ARHGAP27: variants seen among roughly 807,000 people sequenced by gnomAD.
ARHGAP27 encodes the protein rho GTPase-activating protein 27.
Under a neutral mutation model 102.0 loss-of-function variants are expected in ARHGAP27, and 53 were observed. The ratio of observed to expected loss-of-function variants is 0.52; its 90% CI spans 0.42 to 0.65. The LOEUF is 0.65. Among genes scored for constraint, ARHGAP27 ranks in the 30% least tolerant of loss-of-function variants. The pLI, the probability that ARHGAP27 is intolerant of heterozygous loss-of-function variation, is 0.00. For missense variants in ARHGAP27, 1,117 were observed against 1,256.2 expected (o/e 0.89, Z 1.68); for synonymous variants, 525 against 542.8 (o/e 0.97, Z 0.46).
intron 4 of ARHGAP27, 179 bp downstream of exon 4, chr17:45,429,444 T>G: frequency 7.0e-7 from 1 of 1,434,732 alleles, no homozygotes; most frequent in Non-Finnish European, 9.1e-7. Flanking sequence ...GATGAGGGAC[T>G]GCGGGCGTGC....
At chr17:45,423,677 AG>A (rs879488587) in intron 4 of ARHGAP27, among the ~76,000 whole-genome samples, 8 of 152,216 alleles carry the variant, frequency 5.3e-5, no homozygotes, top group South Asian at 2.1e-4. Context: ...CTGGACAGTA[AG>A]CTACCTGAGG....
rs765551065 is a variant in ARHGAP27 at position 45,427,813 on chromosome 17, C to T, written c.657+1810G>A. ...TGGGTAAGTCCCCTACCCCTATCAT[C>T]GGTGCCCCTCCCTCCATATGCCACT... On this transcript the variant is annotated intron_variant, in intron 4 of 19. Coordinates refer to ENST00000685559, the MANE Select transcript of ARHGAP27 (RefSeq NM_001282290.2). This position sits in a 1 kb window ranked among gnomAD's most constrained non-coding sequence, Gnocchi z 4.5. Among the ~76,000 whole-genome samples the T allele has an allele frequency of 6.6e-6, 1 of 152,192 alleles. No homozygotes were observed. The highest frequency in any genetic ancestry group is 1.5e-5 in the Non-Finnish European group (1 of 68,034).
chr17:45,395,564 C>G lies in ARHGAP27; in HGVS notation c.2562G>C (p.Leu854=). 1 of 1,604,868 alleles carries G rather than the reference C, an allele frequency of 6.2e-7. No homozygotes were observed. The highest frequency in any genetic ancestry group is 8.5e-7 in the Non-Finnish European group (1 of 1,175,964). ...TGGTCTCTTCCACCTCGGGCCGCAG[C>G]AGCGTGGGCCCGAACACAATGGCCA... ...QSVAIVFGPT[L]LRPEVEETSM... is the part of the protein sequence containing the mutation. The change falls in exon 20 of 20, where the codon CTG becomes CTC. Residue 854 remains leucine, a synonymous_variant. Transcript: ENST00000685559.
At chr17:45,403,928 T>G in intron 10 of ARHGAP27, 101 bp downstream of exon 10, 1 of 1,330,868 alleles carries the variant, frequency 7.5e-7, no homozygotes, top group Non-Finnish European at 1.1e-6. Flanking sequence ...ACTCACGAAG[T>G]TGTTGTGAGG....
chr17:45,429,362 C>A, intron 4 of ARHGAP27: 2 of 1,281,326 alleles, frequency 1.6e-6, no homozygotes, highest in East Asian at 3.1e-5. Context: ...TCAGTTCAAG[C>A]GCAATTTTGC....
chr17:45,405,048 T>C lies in ARHGAP27; in HGVS notation c.1124A>G (p.Tyr375Cys), dbSNP rs200245615. The change falls in exon 6 of 20, where the codon TAT (tyrosine) becomes TGT (cysteine). Residue 375 changes from tyrosine (Y) to cysteine (C), a missense_variant. Tyr to Cys is a radical substitution (Grantham distance 194). This residue lies in a region of ARHGAP27 where 610 missense variants were observed against 716.4 expected (regional missense o/e 0.85). Coordinates refer to ENST00000685559, the MANE Select transcript of ARHGAP27 (RefSeq NM_001282290.2). The part of the protein sequence containing the change: ...ESLTSYPEED[Y>C]SPVGSFGEPG... ...CTCACCGAAAGAGCCCACGGGAGAA[T>C]AGTCCTCCTCGGGGTAACTGGTCAG... 2.5e-6 allele frequency: 4 copies of C among 1,612,554 alleles called. No individual in the cohort carries two copies. The highest frequency in any genetic ancestry group is 2.7e-5 in the African/African-American group (2 of 74,930).
In ARHGAP27 at chr17:45,430,724, T is replaced by A. The variant is rs759422887; in HGVS notation, c.-18-427A>T. 2.8e-4 allele frequency among the ~76,000 whole-genome samples: 42 copies of A among 152,052 alleles called. No homozygotes were observed. The highest frequency in any genetic ancestry group is 4.7e-4 in the Non-Finnish European group (32 of 67,988). Reference sequence around the variant, plus strand: ...GGAAGAACACCCCATTTACTGCCGCTCCCCGGCTCTGTCCCGCCTGGAAGC... The same window carrying A: ...GGAAGAACACCCCATTTACTGCCGCACCCCGGCTCTGTCCCGCCTGGAAGC... On this transcript the variant is annotated intron_variant, in intron 3 of 19. Coordinates refer to ENST00000685559, the MANE Select transcript of ARHGAP27 (RefSeq NM_001282290.2). This position sits in a 1 kb window ranked among gnomAD's most constrained non-coding sequence, Gnocchi z 4.4.
chr17:45,396,859 C>A, intron 14 of ARHGAP27, 57 bp downstream of exon 14: 1 of 1,606,744 alleles, frequency 6.2e-7, no homozygotes, highest in Non-Finnish European at 8.5e-7. Flanking sequence ...CCCCAGCAAC[C>A]GTCACTCCCC....
rs546359298 is a variant in ARHGAP27 at position 45,395,427 on chromosome 17, C to T, written c.*29G>A. 2.5e-5 allele frequency: 38 copies of T among 1,536,356 alleles called. No homozygotes were observed. Among genetic ancestry groups the T allele is most frequent in the East Asian group, 2.2e-4 (9 of 40,844 alleles). ...CCGCCCAGCTTGTGTGGCAGGACCG[C>T]GGCCGCCGCCCCAGTCACAGGCCAG... On this transcript the variant is annotated 3_prime_UTR_variant, in exon 20 of 20. Coordinates refer to ENST00000685559, the MANE Select transcript of ARHGAP27 (RefSeq NM_001282290.2).
Position 45,395,295 on chromosome 17 carries a change from A to AG in ARHGAP27, c.*160dup. On this transcript the variant is annotated 3_prime_UTR_variant, in exon 20 of 20. Transcript: ENST00000685559. ...AATCACATTTTGCAAACTGCCCACT[A>AG]GGGGTCACCGTACCCTCAGAACCGA... 1.1e-6 allele frequency: 1 copy of AG among 878,080 alleles called. No homozygotes were observed. The allele number at this position is 878,080 out of a possible 1,614,324, so 54.4% of individuals were successfully genotyped here.
rs372424096 is a variant in ARHGAP27, at chr17:45,402,701, C to T, written c.1743+13G>A. On this transcript the variant is annotated intron_variant, in intron 12 of 19. Transcript: ENST00000685559. ...AAGCCCCTTCCCTCCTTCTCCCCAA[C>T]CCCGCCACTCACCTCCAGCACATTC... 1.7e-4 allele frequency: 272 copies of T among 1,600,692 alleles called. No individual in the cohort carries two copies. Among genetic ancestry groups the T allele is most frequent in the East Asian group, 2.0e-4 (9 of 44,708 alleles).
rs555218913 is a variant in ARHGAP27 at position 45,418,191 on chromosome 17, C to T, written c.657+11432G>A. Among the ~76,000 whole-genome samples the T allele has an allele frequency of 1.1e-4, 16 of 150,656 alleles. No individual in the cohort carries two copies. The South Asian group carries it at 1.9e-3, about 18-fold the overall frequency. On this transcript the variant is annotated intron_variant, in intron 4 of 19. Coordinates refer to ENST00000685559, the MANE Select transcript of ARHGAP27 (RefSeq NM_001282290.2). ...AACTCCTGAGTTCAAGCAGTCCTCC[C>T]GCTTCGGCCTCCCAAAGTGCTAAGA... is the stretch of plus-strand genomic sequence containing the variant.
In ARHGAP27 at chr17:45,430,234, G is replaced by C. The variant is rs1259421262; in HGVS notation, c.46C>G (p.Pro16Ala). The change falls in exon 4 of 20, where the codon CCC (proline) becomes GCC (alanine). Residue 16 changes from proline (P) to alanine (A), a missense_variant. Around this residue, in one of 3 missense-constraint regions of ARHGAP27, gnomAD observed 610 missense variants for 716.4 expected, o/e 0.85. Coordinates refer to ENST00000685559, the MANE Select transcript of ARHGAP27 (RefSeq NM_001282290.2). The surrounding 1 kb of genome is among the most constrained non-coding windows in gnomAD (Gnocchi z 4.4). ...VGDVYVLVEHPFEYTGKDGRR... is the reference protein window; with the variant it reads ...VGDVYVLVEHAFEYTGKDGRR... ...CCGTCCTTGCCGGTGTACTCGAAGG[G>C]GTGCTCCACCAGCACGTACACGTCC... is the stretch of plus-strand genomic sequence containing the variant. The C allele has an allele frequency of 1.3e-6, 2 of 1,575,626 alleles. No individual in the cohort carries two copies. Among genetic ancestry groups the C allele is most frequent in the Admixed American group, 1.8e-5 (1 of 56,986 alleles).
intron 4 of ARHGAP27, among the ~76,000 whole-genome samples, chr17:45,418,243 C>A (rs1173076578): frequency 6.8e-6 from 1 of 146,622 alleles, no homozygotes; most frequent in Non-Finnish European, 1.5e-5. Context: ...CCAGGCCCAG[C>A]CTATTTGGAC....
intron 12 of ARHGAP27, among the ~76,000 whole-genome samples, chr17:45,402,433 G>C (rs539479873): frequency 1.3e-5 from 2 of 152,294 alleles, no homozygotes; most frequent in Admixed American, 6.5e-5. Flanking sequence ...TGCAGCGTTG[G>C]CCTTGAGCCC....
chr17:45,397,306 T>C, intron 13 of ARHGAP27: 1 of 1,313,078 alleles, frequency 7.6e-7, no homozygotes. Context: ...TGGTGCCTTC[T>C]TTCTCTATTT....
chr17:45,409,131 G>A lies in ARHGAP27; in HGVS notation c.658-3048C>T, dbSNP rs1449494352. On this transcript the variant is annotated intron_variant, in intron 4 of 19. Transcript: ENST00000685559. ...AGGAGATTCCTGGGGAGGGCAGGATGGAAGCAGCGGGGAGAGGAAGGCAGA... is the reference window on the plus strand; with the variant it reads ...AGGAGATTCCTGGGGAGGGCAGGATAGAAGCAGCGGGGAGAGGAAGGCAGA... 2.0e-5 allele frequency: 3 copies of A among 152,480 alleles called. No individual in the cohort carries two copies. The East Asian group carries it at 5.8e-4, about 29-fold the overall frequency. The allele number at this position is 152,480 out of a possible 1,614,324, so 9.4% of individuals were successfully genotyped here.
At chr17:45,416,491 G>A (rs927329508) in intron 4 of ARHGAP27, among the ~76,000 whole-genome samples, 3 of 149,950 alleles carry the variant, frequency 2.0e-5, no homozygotes, top group Non-Finnish European at 4.4e-5. Context: ...TAGTAGAGCA[G>A]CCAGCAAGGA....
At chr17:45,403,768 C>A in intron 10 of ARHGAP27, 59 bp from the exon 11 acceptor site, 3 of 1,405,144 alleles carry the variant, frequency 2.1e-6, no homozygotes, top group Admixed American at 3.9e-5. Flanking sequence ...GGGCTGAGGG[C>A]CCCTCCTACC....
Sources: allele counts gnomAD v4.1 joint callset (sites outside exome capture counted in the v4.1 genomes callset), GRCh38; gene constraint gnomAD v4.1.1; regional missense constraint gnomAD v4.1.1; non-coding constraint Gnocchi (gnomAD v3.1); transcripts MANE v1.5; gene names NCBI Gene and HGNC (gene_info 2026-07-23, HGNC 2026-07-21).